ZNF605: variants seen among roughly 807,000 people sequenced by gnomAD.
ZNF605 encodes the protein zinc finger protein 605.
Under a neutral mutation model 7.9 loss-of-function variants are expected in ZNF605, and 9 were observed. The ratio of observed to expected loss-of-function variants is 1.14; its 90% confidence interval spans 0.68 to 1.98. ZNF605 has a LOEUF of 1.98. Among genes scored for constraint, ZNF605 ranks in the 30% most tolerant of loss-of-function variants. ZNF605 has a pLI of 0.00. For missense variants in ZNF605, 673 were observed against 762.4 expected (o/e 0.88, Z 1.38); for synonymous variants, 255 against 260.1 (o/e 0.98, Z 0.19).
At chr12:132,948,758 G>A (rs1386964851) in intron 1 of ZNF605, 6 of 152,298 alleles carry the variant, frequency 3.9e-5, no homozygotes, top group East Asian at 3.8e-4. Flanking sequence ...ACAGCCAGAC[G>A]CCACTCCTCT....
chr12:132,926,704 A>G lies in ZNF605; in HGVS notation c.595T>C (p.Cys199Arg). 2 of 1,614,214 alleles carry G rather than the reference A, an allele frequency of 1.2e-6. No homozygotes were observed. Among genetic ancestry groups the G allele is most frequent in the Non-Finnish European group, 1.7e-6 (2 of 1,180,040 alleles). Residue 199 changes from cysteine to arginine, a missense_variant, in exon 5 of 5, where the codon TGC becomes CGC. Transcript: ENST00000360187. ...GAAAAGGCTTTTCCACACTCACTGC[A>G]TTGATAGGGCTTCTCTCCTGTATGA... Reference protein sequence around the residue: ...RTHTGEKPYQCSECGKAFSQK... With the variant: ...RTHTGEKPYQRSECGKAFSQK...
intron 3 of ZNF605, among the ~76,000 whole-genome samples, chr12:132,934,112 C>CAA (rs1374559531): frequency 1.3e-5 from 2 of 151,368 alleles, no homozygotes; most frequent in Non-Finnish European, 2.9e-5. Context: ...CACACACACA[C>CAA]ATGCACACAC....
chr12:132,928,978 C>T (rs1423483783), intron 4 of ZNF605, among the ~76,000 whole-genome samples: 5 of 151,538 alleles, frequency 3.3e-5, no homozygotes, highest in Admixed American at 2.6e-4. Flanking sequence ...ACTATCACTG[C>T]ACTCCAGCCT....
In ZNF605 at chr12:132,920,423, GC is replaced by G. The variant is rs1952195405; in HGVS notation, c.*4949del. ...CAAAGTGCTGGGATTACAGGCGTGA[GC>G]CACCGCGCCTGGCCTGGTTTATTTA... On this transcript the variant is annotated 3_prime_UTR_variant, in exon 5 of 5. Coordinates refer to ENST00000360187, the MANE Select transcript of ZNF605 (RefSeq NM_183238.4). 1 of 152,230 alleles carries G rather than the reference GC, an allele frequency of 6.6e-6. No individual in the cohort carries two copies. Among genetic ancestry groups the G allele is most frequent in the Non-Finnish European group, 1.5e-5 (1 of 68,072 alleles). 9.4% of individuals were successfully genotyped at this position (152,230 alleles called of 1,614,324 possible).
rs1952218601 is a variant in ZNF605 at position 132,923,149 on chromosome 12, TCACACTTTACTTCTAAATAAACTCC to T, written c.*2199_*2223del. ...AATTCACACTTAAGTGTTATCGTCA[TCACACTTTACTTCTAAATAAACTCC>T]AAATACGTTATCATTACTTTGGCTT... On this transcript the variant is annotated 3_prime_UTR_variant, in exon 5 of 5. Transcript: ENST00000360187. 1 of 152,238 alleles carries T rather than the reference TCACACTTTACTTCTAAATAAACTCC, an allele frequency of 6.6e-6. No homozygotes were observed. The highest frequency in any genetic ancestry group is 1.9e-4 in the East Asian group (1 of 5,198). 9.4% of individuals were successfully genotyped at this position (152,238 alleles called of 1,614,324 possible).
intron 4 of ZNF605, among the ~76,000 whole-genome samples, chr12:132,929,491 TG>T (rs1230729337): frequency 1.3e-5 from 2 of 152,082 alleles, no homozygotes; most frequent in Non-Finnish European, 2.9e-5. Flanking sequence ...TTCATTGAGA[TG>T]AAAAAGACTA....
Position 132,933,269 on chromosome 12 carries a change from T to A in ZNF605, c.16-114A>T. 1 of 1,214,798 alleles carries A rather than the reference T, an allele frequency of 8.2e-7. No individual in the cohort carries two copies. Among genetic ancestry groups the A allele is most frequent in the Non-Finnish European group, 1.1e-6 (1 of 885,174 alleles). 75.3% of individuals were successfully genotyped at this position (1,214,798 alleles called of 1,614,324 possible). On this transcript the variant is annotated intron_variant, in intron 3 of 4. Transcript: ENST00000360187. The surrounding 1 kb of genome is among the most constrained non-coding windows in gnomAD (Gnocchi z 4.4). Reference sequence around the variant, plus strand: ...TAAGATGGCCCCAGTGACCTCTGACTCCGGTATTCATGCTTTTGCATAATC... The same window carrying A: ...TAAGATGGCCCCAGTGACCTCTGACACCGGTATTCATGCTTTTGCATAATC...
Position 132,923,518 on chromosome 12 carries a change from A to T in ZNF605, c.*1855T>A, listed in dbSNP as rs953960488. The T allele has an allele frequency of 6.6e-6, 1 of 152,172 alleles. No individual in the cohort carries two copies. The highest frequency in any genetic ancestry group is 1.5e-5 in the Non-Finnish European group (1 of 68,036). 9.4% of individuals were successfully genotyped at this position (152,172 alleles called of 1,614,324 possible). ...TTAAGGAATTTAGAGATAATACTCCATTGTCTTATAGCTTGCATAGTTCTC... is the reference window on the plus strand; with the variant it reads ...TTAAGGAATTTAGAGATAATACTCCTTTGTCTTATAGCTTGCATAGTTCTC... On this transcript the variant is annotated 3_prime_UTR_variant, in exon 5 of 5. Transcript: ENST00000360187.
Position 132,933,241 on chromosome 12 carries a change from C to CA in ZNF605, c.16-87_16-86insT. ...TTCTTCTGTATTTGTGGTAGGTGGC[C>CA]TCTAAGATGGCCCCAGTGACCTCTG... On this transcript the variant is annotated intron_variant, in intron 3 of 4. Transcript: ENST00000360187. This position sits in a 1 kb window ranked among gnomAD's most constrained non-coding sequence, Gnocchi z 4.4. 2 of 1,464,854 alleles carry CA rather than the reference C, an allele frequency of 1.4e-6. No homozygotes were observed. The highest frequency in any genetic ancestry group is 1.8e-6 in the Non-Finnish European group (2 of 1,092,922). 90.7% of individuals were successfully genotyped at this position (1,464,854 alleles called of 1,614,324 possible).
At chr12:132,943,373 C>CA (rs1248266783) in intron 3 of ZNF605, among the ~76,000 whole-genome samples, 8 of 147,810 alleles carry the variant, frequency 5.4e-5, no homozygotes, top group Non-Finnish European at 7.5e-5. Flanking sequence ...AAAAAAAAAA[C>CA]AAAAAAAACC....
intron 4 of ZNF605, among the ~76,000 whole-genome samples, chr12:132,927,415 G>A (rs1365561838): frequency 6.6e-6 from 1 of 152,148 alleles, no homozygotes; most frequent in African/African-American, 2.4e-5. Context: ...CACCAGGCTG[G>A]AGTGCAGTGG....
chr12:132,938,970 G>A (rs1193027963), intron 3 of ZNF605, among the ~76,000 whole-genome samples: 28 of 151,922 alleles, frequency 1.8e-4, no homozygotes, highest in Admixed American at 9.8e-4. Flanking sequence ...ATTTCTCACC[G>A]AGCCTTAGCT....
intron 1 of ZNF605, among the ~76,000 whole-genome samples, chr12:132,953,573 C>T (rs1430995301): frequency 6.6e-6 from 1 of 152,022 alleles, no homozygotes. Flanking sequence ...ATTACAGGCG[C>T]CCACCACCAT....
intron 1 of ZNF605, among the ~76,000 whole-genome samples, chr12:132,951,070 TAC>T (rs1438283656): frequency 1.3e-5 from 2 of 149,586 alleles, no homozygotes; most frequent in South Asian, 2.1e-4. Context: ...CACAGACATG[TAC>T]ACACACTGAT....
chr12:132,926,032 ATCCATATGGTTTCTC>A lies in ZNF605; in HGVS notation c.1252_1266del (p.Glu418_Gly422del). 6.2e-7 allele frequency: 1 copy of A among 1,614,070 alleles called. No individual in the cohort carries two copies. The highest frequency in any genetic ancestry group is 8.5e-7 in the Non-Finnish European group (1 of 1,180,046). On this transcript the variant is annotated inframe_deletion, in exon 5 of 5. Coordinates refer to ENST00000360187, the MANE Select transcript of ZNF605 (RefSeq NM_183238.4). ...AAGAAGGTTTTCCCACATTGAATGC[ATCCATATGGTTTCTC>A]TCCTAAGTGAATTTTTTGATGTCTT...
intron 3 of ZNF605, among the ~76,000 whole-genome samples, chr12:132,944,556 C>T (rs895464670): frequency 1.5e-4 from 23 of 152,156 alleles, no homozygotes; most frequent in African/African-American, 4.3e-4. Context: ...TTGAAGGTTT[C>T]GTAATGATCA....
intron 1 of ZNF605, among the ~76,000 whole-genome samples, chr12:132,951,065 A>G (rs1477815799): frequency 4.6e-5 from 7 of 152,012 alleles, no homozygotes; most frequent in African/African-American, 1.5e-4. Flanking sequence ...TCATACACAG[A>G]CATGTACACA....
intron 1 of ZNF605, among the ~76,000 whole-genome samples, chr12:132,955,312 C>G (rs998618363): frequency 6.6e-6 from 1 of 152,186 alleles, no homozygotes; most frequent in Non-Finnish European, 1.5e-5. Flanking sequence ...AAGCTTGACC[C>G]TGAGCCAGCC....
chr12:132,954,964 G>T (rs772192568), intron 1 of ZNF605, among the ~76,000 whole-genome samples: 10 of 152,056 alleles, frequency 6.6e-5, no homozygotes, highest in Non-Finnish European at 1.3e-4. Context: ...CCAGCCACTC[G>T]CCAGCATAGG....
Sources: allele counts gnomAD v4.1 joint callset (sites outside exome capture counted in the v4.1 genomes callset), GRCh38; gene constraint gnomAD v4.1.1; non-coding constraint Gnocchi (gnomAD v3.1); transcripts MANE v1.5; gene names NCBI Gene and HGNC (gene_info 2026-07-23, HGNC 2026-07-21).